The following DDHD1 variants were observed in gnomAD, a reference collection of about 807,000 sequenced individuals.
DDHD1 encodes DDHD domain containing 1.
In DDHD1, 49 loss-of-function variants were observed where a neutral mutation model predicts 96.4. The observed-to-expected ratio is 0.51, with a 90% CI of 0.40 to 0.64. DDHD1 has a LOEUF of 0.64. DDHD1 is among the 30% of genes least tolerant of loss of function. The pLI is 0.00. For synonymous variants in DDHD1, 442 were observed against 446.5 expected (o/e 0.99, Z 0.13); for missense variants, 1,106 against 1,161.2 (o/e 0.95, Z 0.69).
chr14:53,105,959 TGTGGTG>T (rs879434839), intron 1 of DDHD1, among the ~76,000 whole-genome samples: 2 of 151,556 alleles, frequency 1.3e-5, no homozygotes, highest in East Asian at 1.9e-4. Context: ...CTCTCTCTCC[TGTGGTG>T]GTGGTGGTGG....
intron 1 of DDHD1, among the ~76,000 whole-genome samples, chr14:53,122,519 T>C (rs1391196687): frequency 1.3e-5 from 2 of 152,090 alleles, no homozygotes; most frequent in African/African-American, 4.8e-5. Context: ...GCTACCTGTA[T>C]CTATTATTTC....
chr14:53,048,630 C>T (rs1220567593), intron 12 of DDHD1: 1 of 152,164 alleles, frequency 6.6e-6, no homozygotes, highest in Non-Finnish European at 1.5e-5. Flanking sequence ...TGCACCACCG[C>T]ACCCGGCCTG....
At chr14:53,063,264 T>C in intron 6 of DDHD1, 59 bp from the exon 7 acceptor site, 2 of 1,537,536 alleles carry the variant, frequency 1.3e-6, no homozygotes, top group Non-Finnish European at 1.8e-6. Context: ...TATACACTTA[T>C]TCTAAACTCA....
intron 1 of DDHD1, among the ~76,000 whole-genome samples, chr14:53,129,774 A>G (rs951295691): frequency 1.3e-5 from 2 of 152,136 alleles, no homozygotes; most frequent in African/African-American, 4.8e-5. Context: ...TAAAAACCTA[A>G]GCATCTTATT....
chr14:53,093,726 A>C (rs890677323), intron 2 of DDHD1: 7 of 317,752 alleles, frequency 2.2e-5, no homozygotes, highest in Non-Finnish European at 2.9e-5. Flanking sequence ...TACAGCTTCT[A>C]TGTGTTTTGA....
chr14:53,080,554 CAT>C (rs1279249561), intron 4 of DDHD1, among the ~76,000 whole-genome samples: 5 of 151,680 alleles, frequency 3.3e-5, no homozygotes, highest in African/African-American at 1.2e-4. Flanking sequence ...TTTTCTTTGC[CAT>C]ATATTTTTTT....
rs2139793174 is a variant in DDHD1 at position 53,043,280 on chromosome 14, A to G, written c.*3488T>C. Reference sequence around the variant, plus strand: ...TTAGCGTGAGTATTCAGCATGAAGCATGTTCAGTGTGAGTACTTCAAAAGA... The same window carrying G: ...TTAGCGTGAGTATTCAGCATGAAGCGTGTTCAGTGTGAGTACTTCAAAAGA... On this transcript the variant is annotated 3_prime_UTR_variant, in exon 13 of 13. Transcript: ENST00000673822. 6.6e-6 allele frequency: 1 copy of G among 152,318 alleles called. No individual in the cohort carries two copies. Among genetic ancestry groups the G allele is most frequent in the East Asian group, 1.9e-4 (1 of 5,188 alleles). 9.4% of individuals were successfully genotyped at this position (152,318 alleles called of 1,614,324 possible). A position where few individuals can be genotyped will look rare whatever the true frequency, so the allele number is the denominator to read the frequency against.
Position 53,073,775 on chromosome 14 carries a change from A to G in DDHD1, c.1362T>C (p.Pro454=), listed in dbSNP as rs147452605. 5.9e-5 allele frequency: 95 copies of G among 1,609,910 alleles called. No individual in the cohort carries two copies. In the African/African-American group the frequency reaches 1.2e-3, roughly 20 times the overall value. ...SNHATHVEFL[P]VEWRSKLTLD... is the part of the protein sequence containing the mutation. Reference sequence around the variant, plus strand: ...GAGTAAGTTTTGACCGCCACTCAACAGGCAGAAATTCAACATGTGTTGCAT... The same window carrying G: ...GAGTAAGTTTTGACCGCCACTCAACGGGCAGAAATTCAACATGTGTTGCAT... Residue 454 remains proline (P), a synonymous_variant, in exon 5 of 13, where the codon CCT becomes CCC. Coordinates refer to ENST00000673822, the MANE Select transcript of DDHD1 (RefSeq NM_001160148.2).
At chr14:53,069,532 A>G (rs1884334581) in intron 6 of DDHD1, among the ~76,000 whole-genome samples, 1 of 152,356 alleles carries the variant, frequency 6.6e-6, no homozygotes, top group South Asian at 2.1e-4. Context: ...ACTATAGTAT[A>G]GTGTAACCAT....
intron 2 of DDHD1, among the ~76,000 whole-genome samples, chr14:53,100,813 T>C (rs1887240889): frequency 6.6e-6 from 1 of 152,186 alleles, no homozygotes. Flanking sequence ...ATGAGGTTTT[T>C]CCAGAAAGCC....
At chr14:53,152,113 G>GATA in intron 1 of DDHD1, 148 bp downstream of exon 1, 6 of 833,728 alleles carry the variant, frequency 7.2e-6, no homozygotes, top group Admixed American at 6.4e-5. Context: ...AGCTGCCGAC[G>GATA]CTCCCTGCTC....
At chr14:53,072,568 C>T in intron 6 of DDHD1, 29 bp downstream of exon 6, 1 of 1,326,738 alleles carries the variant, frequency 7.5e-7, no homozygotes, top group Non-Finnish European at 1.0e-6. Flanking sequence ...CTAAAAAATA[C>T]CCACCAGCAA....
At chr14:53,140,352 G>A (rs1890557114) in intron 1 of DDHD1, among the ~76,000 whole-genome samples, 1 of 152,140 alleles carries the variant, frequency 6.6e-6, no homozygotes, top group Non-Finnish European at 1.5e-5. Flanking sequence ...TGACCAACAT[G>A]GTGGAACCCC....
chr14:53,063,177 T>C lies in DDHD1; in HGVS notation c.1532A>G (p.Asn511Ser). ...ELVKGLQQEL[N>S]RLYSLFCSRN... ...AGAACAGAAAAGGGAATACAATCGA[T>C]TCAGCTCTTGCTGAAGGCCTTTAAC... The change falls in exon 7 of 13, where the codon AAT becomes AGT. Residue 511 changes from asparagine to serine, a missense_variant. This residue lies in a region of DDHD1 where 650 missense variants were observed against 758.8 expected (regional missense o/e 0.86). Coordinates refer to ENST00000673822, the MANE Select transcript of DDHD1 (RefSeq NM_001160148.2). 1 of 1,613,852 alleles carries C rather than the reference T, an allele frequency of 6.2e-7. No homozygotes were observed. The highest frequency in any genetic ancestry group is 8.5e-7 in the Non-Finnish European group (1 of 1,179,964).
intron 10 of DDHD1, 39 bp downstream of exon 10, chr14:53,055,621 G>C: frequency 6.3e-7 from 1 of 1,592,954 alleles, no homozygotes; most frequent in Non-Finnish European, 8.6e-7. Context: ...CTAGGAAAGT[G>C]CTTATATGCA....
chr14:53,145,502 CAAAAAA>C (rs34747977), intron 1 of DDHD1, among the ~76,000 whole-genome samples: 61 of 61,690 alleles, frequency 9.9e-4, no homozygotes, highest in Non-Finnish European at 1.4e-3. Context: ...AACCTTGTCT[CAAAAAA>C]AAAAAAAAAA....
Position 53,040,663 on chromosome 14 carries a change from C to T in DDHD1, c.*6105G>A, listed in dbSNP as rs1881583703. 6.6e-6 allele frequency: 1 copy of T among 152,176 alleles called. No homozygotes were observed. The highest frequency in any genetic ancestry group is 2.1e-4 in the South Asian group (1 of 4,834). 9.4% of individuals were successfully genotyped at this position (152,176 alleles called of 1,614,324 possible). On this transcript the variant is annotated 3_prime_UTR_variant, in exon 13 of 13. Coordinates refer to ENST00000673822, the MANE Select transcript of DDHD1 (RefSeq NM_001160148.2). ...TAAAGTTTCTGTCATCCAAACTGAT[C>T]ACTGCAGAGAGAAAACAGAAATAAT...
At chr14:53,141,291 C>G (rs1057077155) in intron 1 of DDHD1, among the ~76,000 whole-genome samples, 1 of 152,096 alleles carries the variant, frequency 6.6e-6, no homozygotes, top group Non-Finnish European at 1.5e-5. Context: ...TGAAATGCAT[C>G]CTTGGATTGA....
chr14:53,058,796 G>C (rs1883289244), intron 8 of DDHD1, among the ~76,000 whole-genome samples, 170 bp from the exon 9 acceptor site: 1 of 152,094 alleles, frequency 6.6e-6, no homozygotes, highest in South Asian at 2.1e-4. Flanking sequence ...AACCATTCTA[G>C]AATAATCTAT....
Sources: gnomAD v4.1 joint callset for allele counts (sites outside exome capture counted in the v4.1 genomes callset) on GRCh38, gnomAD v4.1.1 for gene constraint, gnomAD v4.1.1 regional missense constraint, MANE v1.5 for transcripts, NCBI Gene and HGNC (gene_info 2026-07-23, HGNC 2026-07-21) for gene names.